Variants in NTN1 observed in about 807,000 individuals in gnomAD.
The protein encoded by NTN1 is netrin 1.
In NTN1, 11 loss-of-function variants were observed where a neutral mutation model predicts 54.2. That is an observed-to-expected ratio of 0.20 (90% CI 0.13 to 0.34). NTN1 has a LOEUF of 0.34. Ranked by LOEUF, NTN1 falls within the 10% of genes least tolerant of loss-of-function variation. NTN1 has a pLI of 1.00. For missense variants in NTN1, 740 were observed against 893.1 expected, an observed-to-expected ratio of 0.83 and a Z score of 2.18; for synonymous variants, 371 against 382.0, an observed-to-expected ratio of 0.97 and a Z score of 0.33.
chr17:9,166,861 G>A (rs541559220), intron 3 of NTN1, among the ~76,000 whole-genome samples: 10 of 152,210 alleles, frequency 6.6e-5, no homozygotes, highest in Non-Finnish European at 1.2e-4. Flanking sequence ...CCCATATGCT[G>A]CTGGTGATTG....
intron 2 of NTN1, among the ~76,000 whole-genome samples, chr17:9,050,196 G>A (rs1253960113): frequency 1.3e-5 from 2 of 151,708 alleles, no homozygotes; most frequent in Admixed American, 1.3e-4. Flanking sequence ...GCAGTGAGCT[G>A]AGATTGCGCC....
chr17:9,224,136 C>T (rs1300341238), intron 6 of NTN1, among the ~76,000 whole-genome samples: 1 of 152,180 alleles, frequency 6.6e-6, no homozygotes, highest in Admixed American at 6.5e-5. Flanking sequence ...CTATTTGACT[C>T]AACCTGGTTT....
chr17:9,015,174 G>A, the NTN1 span, among the ~76,000 whole-genome samples: 1 of 152,180 alleles, frequency 6.6e-6, no homozygotes, highest in Non-Finnish European at 1.5e-5. Context: ...ACTTTGGGAG[G>A]CCGAGGCAGG....
At chr17:9,031,054 C>T (rs75706488) in intron 2 of NTN1, among the ~76,000 whole-genome samples, 4,338 of 152,222 alleles carry the variant, frequency 0.028, 207 homozygotes, top group African/African-American at 0.1. Flanking sequence ...AGATTTTTCC[C>T]GTGTCTTTTT....
chr17:9,129,616 G>A (rs1239919496), intron 2 of NTN1, among the ~76,000 whole-genome samples: 3 of 152,264 alleles, frequency 2.0e-5, no homozygotes, highest in East Asian at 3.9e-4. Flanking sequence ...TGTCACCCTC[G>A]GCGTCTGCCT....
chr17:9,160,098 A>G (rs2092353143), intron 2 of NTN1, among the ~76,000 whole-genome samples: 1 of 152,108 alleles, frequency 6.6e-6, no homozygotes, highest in Non-Finnish European at 1.5e-5. Context: ...ACAGTGCCAG[A>G]GGAATTTTAT....
chr17:9,134,852 G>A (rs1391326689), intron 2 of NTN1, among the ~76,000 whole-genome samples: 1 of 152,182 alleles, frequency 6.6e-6, no homozygotes, highest in Non-Finnish European at 1.5e-5. Flanking sequence ...GAACCTACCA[G>A]GACTTCTCAA....
At chr17:9,199,168 G>A (rs2142335032) in intron 5 of NTN1, among the ~76,000 whole-genome samples, 1 of 152,316 alleles carries the variant, frequency 6.6e-6, no homozygotes, top group East Asian at 1.9e-4. Context: ...TTGAGACAGT[G>A]TTTCGCTCTT....
chr17:9,007,087 G>A, the NTN1 span, among the ~76,000 whole-genome samples: 4 of 152,320 alleles, frequency 2.6e-5, no homozygotes, highest in South Asian at 2.1e-4. Flanking sequence ...TTGTGATTAC[G>A]AGACTCCATT....
rs1476459649 is a variant in NTN1 at position 9,221,123 on chromosome 17, A to G, written c.1412-45A>G. ...TCTGCCCGCCAGCCTATTCATCGCC[A>G]GCCTAATTAGTTTTTGTCTGTGCTC... On this transcript the variant is annotated intron_variant, in intron 5 of 6. Transcript: ENST00000173229. This position sits in a 1 kb window ranked among gnomAD's most constrained non-coding sequence, Gnocchi z 4.5. 7.8e-7 allele frequency: 1 copy of G among 1,283,954 alleles called. No individual in the cohort carries two copies. The highest frequency in any genetic ancestry group is 1.1e-6 in the Non-Finnish European group (1 of 881,480). 79.5% of individuals were successfully genotyped at this position (1,283,954 alleles called of 1,614,324 possible).
chr17:9,075,352 G>T (rs2142219426), intron 2 of NTN1, among the ~76,000 whole-genome samples: 1 of 152,098 alleles, frequency 6.6e-6, no homozygotes, highest in African/African-American at 2.4e-5. Flanking sequence ...CATGGCGGTG[G>T]GCACCTGTAA....
intron 5 of NTN1, among the ~76,000 whole-genome samples, chr17:9,190,810 C>T (rs1225926417): frequency 6.6e-6 from 1 of 152,020 alleles, no homozygotes; most frequent in East Asian, 1.9e-4. Context: ...CGAGATCGTG[C>T]CACTGCACTC....
chr17:9,063,344 C>T (rs1027526933), intron 2 of NTN1, among the ~76,000 whole-genome samples: 25 of 152,162 alleles, frequency 1.6e-4, no homozygotes, highest in African/African-American at 5.3e-4. Flanking sequence ...GGAATCCACC[C>T]ACCTCGGCCT....
chr17:9,042,656 G>A (rs1448275794), intron 2 of NTN1, among the ~76,000 whole-genome samples: 15 of 152,100 alleles, frequency 9.9e-5, no homozygotes, highest in African/African-American at 3.4e-4. Context: ...GTGTGGTGGC[G>A]TGCTCCTGCA....
chr17:9,170,128 A>T, intron 3 of NTN1, among the ~76,000 whole-genome samples: 1 of 152,146 alleles, frequency 6.6e-6, no homozygotes, highest in Admixed American at 6.5e-5. Context: ...ACTTGGTGTT[A>T]TTCAGACCAC....
intron 2 of NTN1, among the ~76,000 whole-genome samples, chr17:9,054,283 G>A (rs1036376362): frequency 3.3e-5 from 5 of 152,164 alleles, no homozygotes; most frequent in South Asian, 2.1e-4. Flanking sequence ...CCGAAGAGCC[G>A]AGATGTTAAC....
chr17:9,056,097 C>T (rs2091978567), intron 2 of NTN1, among the ~76,000 whole-genome samples: 1 of 152,010 alleles, frequency 6.6e-6, no homozygotes, highest in Non-Finnish European at 1.5e-5. Context: ...CCTCTTGTTG[C>T]CCAGGCTGGA....
intron 2 of NTN1, among the ~76,000 whole-genome samples, chr17:9,110,931 CTT>C (rs34319949): frequency 0.017 from 1,749 of 104,272 alleles, 8 homozygotes; most frequent in African/African-American, 0.021. Context: ...AATTCAGGAT[CTT>C]TTTTTTTTTT....
intron 2 of NTN1, among the ~76,000 whole-genome samples, chr17:9,117,575 C>T (rs2142258379): frequency 6.6e-6 from 1 of 152,106 alleles, no homozygotes; most frequent in Admixed American, 6.5e-5. Flanking sequence ...GAAACCCCGT[C>T]TCTACTAAAA....
Sources: allele counts gnomAD v4.1 joint callset (sites outside exome capture counted in the v4.1 genomes callset), GRCh38; gene constraint gnomAD v4.1.1; non-coding constraint Gnocchi (gnomAD v3.1); transcripts MANE v1.5; gene names NCBI Gene and HGNC (gene_info 2026-07-23, HGNC 2026-07-21).